FLACC1: variants seen among roughly 807,000 people sequenced by gnomAD.
FLACC1 encodes the protein flagellum-associated coiled-coil domain-containing protein 1.
Under a neutral mutation model 62.8 loss-of-function variants are expected in FLACC1, and 66 were observed. The observed-to-expected ratio is 1.05, with a 90% CI of 0.86 to 1.29. The LOEUF is 1.29. Among genes scored for constraint, FLACC1 ranks in the 50% most tolerant of loss-of-function variants. FLACC1 has a pLI of 0.00. For synonymous variants in FLACC1, 156 were observed against 161.0 expected (o/e 0.97, Z 0.24); for missense variants, 452 against 489.1 (o/e 0.92, Z 0.71).
chr2:201,288,518 C>A lies in FLACC1; in HGVS notation c.*137G>T. ...ATTCAGATGCGAATTCAAACATTTTCAGACATTCAGAGAGTCAGAGCAACC... is the reference window on the plus strand; with the variant it reads ...ATTCAGATGCGAATTCAAACATTTTAAGACATTCAGAGAGTCAGAGCAACC... On this transcript the variant is annotated 3_prime_UTR_variant, in exon 15 of 15. Transcript: ENST00000392257. 9.5e-7 allele frequency: 1 copy of A among 1,052,042 alleles called. No individual in the cohort carries two copies. The highest frequency in any genetic ancestry group is 1.3e-6 in the Non-Finnish European group (1 of 746,916). The allele number at this position is 1,052,042 out of a possible 1,614,324, so 65.2% of individuals were successfully genotyped here.
At chr2:201,350,564 C>T (rs1226836503) in intron 3 of FLACC1, 147 bp downstream of exon 3, 3 of 668,990 alleles carry the variant, frequency 4.5e-6, no homozygotes, top group African/African-American at 3.6e-5. Flanking sequence ...ACCTGTATTC[C>T]CAGCTACTCG....
chr2:201,332,846 A>G (rs1326708809), intron 7 of FLACC1, among the ~76,000 whole-genome samples: 3 of 152,070 alleles, frequency 2.0e-5, no homozygotes, highest in African/African-American at 7.2e-5. Flanking sequence ...TATTTAGCAT[A>G]ATGCTCTCCA....
At chr2:201,342,692 T>A (rs1228205282) in intron 6 of FLACC1, among the ~76,000 whole-genome samples, 1 of 152,254 alleles carries the variant, frequency 6.6e-6, no homozygotes, top group East Asian at 1.9e-4. Context: ...TTTCACTGAC[T>A]ATTTTTTTTG....
intron 7 of FLACC1, among the ~76,000 whole-genome samples, chr2:201,333,003 A>T (rs1436554773): frequency 6.6e-6 from 1 of 152,214 alleles, no homozygotes; most frequent in East Asian, 1.9e-4. Flanking sequence ...TGTTGTTAAT[A>T]GTACTGAATT....
chr2:201,347,930 A>G (rs1354418036), intron 4 of FLACC1, among the ~76,000 whole-genome samples: 1 of 152,202 alleles, frequency 6.6e-6, no homozygotes, highest in Non-Finnish European at 1.5e-5. Flanking sequence ...CTAGGTCAGC[A>G]GAGCACTTCC....
intron 7 of FLACC1, among the ~76,000 whole-genome samples, chr2:201,342,100 A>G (rs1950821125): frequency 1.3e-5 from 2 of 152,238 alleles, no homozygotes; most frequent in African/African-American, 2.4e-5. Context: ...GACTCTTCTC[A>G]GTAACCAACA....
intron 7 of FLACC1, among the ~76,000 whole-genome samples, chr2:201,334,001 A>T (rs1366839612): frequency 1.3e-5 from 2 of 152,208 alleles, no homozygotes; most frequent in African/African-American, 4.8e-5. Context: ...GACTTCCACA[A>T]TGGTTGAACT....
At chr2:201,312,936 A>G (rs189347986) in intron 9 of FLACC1, among the ~76,000 whole-genome samples, 16 of 152,344 alleles carry the variant, frequency 1.1e-4, no homozygotes, top group African/African-American at 3.6e-4. Flanking sequence ...CTTCAAACAC[A>G]CAACCTCACT....
In FLACC1 at chr2:201,299,815, T is replaced by C. The variant is rs139370467; in HGVS notation, c.880-515A>G. Among the ~76,000 whole-genome samples, 586 of 152,248 alleles carry C rather than the reference T, an allele frequency of 3.8e-3. 3 individuals carry two copies. The highest frequency in any genetic ancestry group is 5.8e-3 in the Non-Finnish European group (397 of 68,018). On this transcript the variant is annotated intron_variant, in intron 11 of 14. Coordinates refer to ENST00000392257, the MANE Select transcript of FLACC1 (RefSeq NM_001127391.3). ...TGTTGTTGACCTAAGTATGGAAAAA[T>C]AGTCAAACAGAACGGAGAGTCCTAA...
At chr2:201,348,385 C>T (rs1950960597) in intron 3 of FLACC1, 83 bp from the exon 4 acceptor site, 8 of 1,409,080 alleles carry the variant, frequency 5.7e-6, no homozygotes, top group Non-Finnish European at 4.9e-6. Context: ...GAGGCCGCCA[C>T]CATCTGACTT....
chr2:201,356,197 G>A (rs1239735221), intron 1 of FLACC1, among the ~76,000 whole-genome samples: 1 of 152,168 alleles, frequency 6.6e-6, no homozygotes, highest in Non-Finnish European at 1.5e-5. Context: ...TTTTGCTCTT[G>A]TTGCCTAGGC....
intron 5 of FLACC1, among the ~76,000 whole-genome samples, chr2:201,345,352 C>A (rs1465581251): frequency 6.6e-6 from 1 of 152,098 alleles, no homozygotes; most frequent in South Asian, 2.1e-4. Flanking sequence ...ACTTGAGGGG[C>A]CTTCAGACTC....
intron 9 of FLACC1, among the ~76,000 whole-genome samples, chr2:201,318,312 C>G (rs1159563953): frequency 6.6e-6 from 1 of 152,102 alleles, no homozygotes; most frequent in Admixed American, 6.5e-5. Context: ...AACAGACAAC[C>G]CACAGAGTGG....
upstream of FLACC1, among the ~76,000 whole-genome samples, chr2:201,358,041 G>A (rs1220822752): frequency 1.3e-5 from 2 of 151,636 alleles, no homozygotes; most frequent in African/African-American, 2.4e-5. Context: ...CATGATCCTG[G>A]TGGGTCACAA....
At chr2:201,348,338 C>A (rs3731711) in intron 3 of FLACC1, 36 bp from the exon 4 acceptor site, 21 of 1,606,034 alleles carry the variant, frequency 1.3e-5, no homozygotes, top group Non-Finnish European at 1.8e-5. Flanking sequence ...AGCAACCAGA[C>A]AGCAAAGAGA....
chr2:201,313,902 C>A (rs1428769901), intron 9 of FLACC1, among the ~76,000 whole-genome samples: 1 of 152,172 alleles, frequency 6.6e-6, no homozygotes, highest in African/African-American at 2.4e-5. Flanking sequence ...GTGCAGACAA[C>A]CCCCAATACC....
At chr2:201,297,016 T>C (rs557724567) in intron 12 of FLACC1, among the ~76,000 whole-genome samples, 2 of 152,188 alleles carry the variant, frequency 1.3e-5, no homozygotes, top group African/African-American at 2.4e-5. Flanking sequence ...GATTATGTTA[T>C]AGAGGATTGG....
intron 9 of FLACC1, among the ~76,000 whole-genome samples, chr2:201,312,310 A>G (rs1408238858): frequency 6.6e-6 from 1 of 152,240 alleles, no homozygotes; most frequent in African/African-American, 2.4e-5. Flanking sequence ...AGCCAAATCA[A>G]TAACGTAATC....
chr2:201,319,224 G>C (rs1474609932), intron 9 of FLACC1, among the ~76,000 whole-genome samples: 1 of 152,162 alleles, frequency 6.6e-6, no homozygotes, highest in East Asian at 1.9e-4. Context: ...ACATCCATCT[G>C]ATCTTCAACA....
Sources: allele counts gnomAD v4.1 joint callset (sites outside exome capture counted in the v4.1 genomes callset), GRCh38; gene constraint gnomAD v4.1.1; transcripts MANE v1.5; gene names NCBI Gene and HGNC (gene_info 2026-07-23, HGNC 2026-07-21).